Variants in RBMS1 observed in about 807,000 individuals in gnomAD.
RBMS1 encodes RNA binding motif single stranded interacting protein 1.
In RBMS1, 17 loss-of-function variants were observed where a neutral mutation model predicts 62.3. The ratio of observed to expected loss-of-function variants is 0.27; its 90% confidence interval spans 0.19 to 0.41. RBMS1 has a LOEUF of 0.41. Ranked by LOEUF, RBMS1 falls within the 10% of genes least tolerant of loss-of-function variation. The pLI, the probability that RBMS1 is intolerant of heterozygous loss-of-function variation, is 1.00. For synonymous variants in RBMS1, 172 were observed against 170.0 expected (o/e 1.01, Z -0.09); for missense variants, 334 against 504.5 (o/e 0.66, Z 3.24).
intron 2 of RBMS1, among the ~76,000 whole-genome samples, chr2:160,339,642 T>C (rs2105992720): frequency 6.6e-6 from 1 of 152,178 alleles, no homozygotes; most frequent in East Asian, 1.9e-4. Flanking sequence ...GAATATAGTC[T>C]ATATCTTCCC....
chr2:160,426,301 G>GAAAGAAAGAAAAGAAAAGAAA, intron 1 of RBMS1, among the ~76,000 whole-genome samples: 1 of 28,632 alleles, frequency 3.5e-5, no homozygotes, highest in East Asian at 1.3e-3. Flanking sequence ...AAAGAAAGAA[G>GAAAGAAAGAAAAGAAAAGAAA]GAAGGAAGGA....
chr2:160,369,784 T>C (rs1211824821), intron 1 of RBMS1, among the ~76,000 whole-genome samples: 3 of 152,180 alleles, frequency 2.0e-5, no homozygotes, highest in African/African-American at 7.2e-5. Context: ...CAAGACTGCA[T>C]TCACTTGAAC....
chr2:160,430,163 A>G (rs921461278), intron 1 of RBMS1, among the ~76,000 whole-genome samples: 1 of 152,250 alleles, frequency 6.6e-6, no homozygotes, highest in Non-Finnish European at 1.5e-5. Flanking sequence ...TGAGTGACCC[A>G]GCCAAAGTCA....
chr2:160,294,476 G>A (rs996767109), intron 6 of RBMS1, among the ~76,000 whole-genome samples: 2 of 152,178 alleles, frequency 1.3e-5, no homozygotes, highest in African/African-American at 4.8e-5. Context: ...TGGCAGGAGG[G>A]CAGGCAGTGT....
chr2:160,451,233 TG>T (rs1002243128), intron 1 of RBMS1, among the ~76,000 whole-genome samples: 55 of 152,118 alleles, frequency 3.6e-4, no homozygotes, highest in Admixed American at 1.3e-4. Flanking sequence ...TTGTATTAAT[TG>T]TCAAAGAAAC....
At chr2:160,442,448 A>C (rs923519857) in intron 1 of RBMS1, among the ~76,000 whole-genome samples, 1 of 152,228 alleles carries the variant, frequency 6.6e-6, no homozygotes, top group African/African-American at 2.4e-5. Context: ...ACCTTAGTTT[A>C]CATGTAAGTT....
intron 1 of RBMS1, among the ~76,000 whole-genome samples, chr2:160,380,481 C>T (rs62177315): frequency 0.077 from 11,646 of 152,208 alleles, 627 homozygotes; most frequent in South Asian, 0.19. Flanking sequence ...AACTTCAGAG[C>T]GCCCCGTACG....
chr2:160,467,317 T>C (rs576390946), intron 1 of RBMS1, among the ~76,000 whole-genome samples: 1 of 152,114 alleles, frequency 6.6e-6, no homozygotes, highest in South Asian at 2.1e-4. Context: ...AGAAGAAAGT[T>C]CATTTAGTGA....
chr2:160,444,984 G>T (rs1427596829), intron 1 of RBMS1, among the ~76,000 whole-genome samples: 2 of 152,124 alleles, frequency 1.3e-5, no homozygotes, highest in Non-Finnish European at 2.9e-5. Flanking sequence ...CCAGTCTATG[G>T]TATCTTGTTA....
At chr2:160,438,507 T>C (rs1683216696) in intron 1 of RBMS1, among the ~76,000 whole-genome samples, 1 of 152,080 alleles carries the variant, frequency 6.6e-6, no homozygotes, top group South Asian at 2.1e-4. Context: ...AAAGCACATC[T>C]TGCACCGCCC....
At position 160,426,221 on chromosome 2, in the gene RBMS1, GAA is replaced by G. The variant is rs1559537009; in HGVS notation, c.76-58832_76-58831del. On this transcript the variant is annotated intron_variant, in intron 1 of 13. Transcript: ENST00000348849. ...AAGGAAGAAAGAGAGAGAGACAGAA[GAA>G]AGAAAGAAAGAAAGAAAGAAAGAAA... 4.4e-3 allele frequency among the ~76,000 whole-genome samples: 230 copies of G among 52,232 alleles called. 4 individuals carry two copies. Among genetic ancestry groups the G allele is most frequent in the African/African-American group, 0.018 (217 of 12,218 alleles). 34.3% of individuals were successfully genotyped at this position (52,232 alleles called of 152,430 possible).
chr2:160,290,953 G>C (rs780288414), intron 6 of RBMS1, among the ~76,000 whole-genome samples: 1 of 151,892 alleles, frequency 6.6e-6, no homozygotes, highest in Non-Finnish European at 1.5e-5. Context: ...CATCTCCACC[G>C]AGTATTTTCC....
chr2:160,399,626 A>C (rs1695334161), intron 1 of RBMS1, among the ~76,000 whole-genome samples: 1 of 152,126 alleles, frequency 6.6e-6, no homozygotes, highest in South Asian at 2.1e-4. Context: ...AGAACTATTC[A>C]CTGTCTTAGA....
chr2:160,335,060 GGAT>G (rs1394816068), intron 2 of RBMS1, among the ~76,000 whole-genome samples: 6 of 152,036 alleles, frequency 3.9e-5, no homozygotes, highest in Non-Finnish European at 8.8e-5. Context: ...AGAAGAAAGA[GGAT>G]GATATGTTTA....
rs1248444543 is a variant in RBMS1 at position 160,272,232 on chromosome 2, C to T, written c.*2540G>A. On this transcript the variant is annotated 3_prime_UTR_variant, in exon 14 of 14. Transcript: ENST00000348849. ...TAACAATCTGATCAAATGTACAGTTCAAAAATGTCTTTTGGCGTTTAACAA... is the reference window on the plus strand; with the variant it reads ...TAACAATCTGATCAAATGTACAGTTTAAAAATGTCTTTTGGCGTTTAACAA... 6.6e-6 allele frequency: 1 copy of T among 152,134 alleles called. No individual in the cohort carries two copies. The highest frequency in any genetic ancestry group is 1.5e-5 in the Non-Finnish European group (1 of 68,022). 9.4% of individuals were successfully genotyped at this position (152,134 alleles called of 1,614,324 possible).
chr2:160,298,835 C>A (rs965014623), intron 6 of RBMS1, among the ~76,000 whole-genome samples: 1 of 152,108 alleles, frequency 6.6e-6, no homozygotes, highest in South Asian at 2.1e-4. Flanking sequence ...TCCAATATGG[C>A]TGCGGTCTTC....
intron 1 of RBMS1, among the ~76,000 whole-genome samples, chr2:160,396,876 A>G (rs1410008400): frequency 1.3e-5 from 2 of 152,032 alleles, no homozygotes; most frequent in Admixed American, 1.3e-4. Context: ...GGGAATGTCT[A>G]CCTGCGCATG....
intron 6 of RBMS1, among the ~76,000 whole-genome samples, chr2:160,299,448 G>A (rs930133718): frequency 4.6e-5 from 7 of 151,824 alleles, no homozygotes; most frequent in South Asian, 2.1e-4. Context: ...CCCCCATTTC[G>A]TCACCAATTA....
rs114786433 is a variant in RBMS1 at position 160,430,609 on chromosome 2, G to C, written c.75+62680C>G. ...TTTCTCCCGTGCTTCTTTTCCATAA[G>C]AACTAGTTAATCTAAACAATTGTAT... On this transcript the variant is annotated intron_variant, in intron 1 of 13. Transcript: ENST00000348849. 7.8e-4 allele frequency among the ~76,000 whole-genome samples: 118 copies of C among 152,216 alleles called. 2 individuals carry two copies. The highest frequency in any genetic ancestry group is 4.6e-3 in the South Asian group (22 of 4,816).
Sources: allele counts gnomAD v4.1 joint callset (sites outside exome capture counted in the v4.1 genomes callset), GRCh38; gene constraint gnomAD v4.1.1; transcripts MANE v1.5; gene names NCBI Gene and HGNC (gene_info 2026-07-23, HGNC 2026-07-21).